The following MAML2 variants were observed in gnomAD, a reference collection of about 807,000 sequenced individuals.
MAML2 encodes mastermind like transcriptional coactivator 2.
Under a neutral mutation model 96.1 loss-of-function variants are expected in MAML2, and 22 were observed. The ratio of observed to expected loss-of-function variants is 0.23; its 90% CI spans 0.16 to 0.33. The LOEUF is 0.33. Ranked by LOEUF, MAML2 falls within the 10% of genes least tolerant of loss-of-function variation. The probability of loss-of-function intolerance (pLI) is 1.00; values close to 1 mark genes in which losing one functional copy is unlikely to be tolerated. For synonymous variants in MAML2, 561 were observed against 521.3 expected (o/e 1.08, Z -1.04); for missense variants, 1,367 against 1,392.4 (o/e 0.98, Z 0.29).
chr11:96,310,916 C>T (rs1308090404), intron 1 of MAML2, among the ~76,000 whole-genome samples: 1 of 152,166 alleles, frequency 6.6e-6, no homozygotes, highest in Non-Finnish European at 1.5e-5. Context: ...AATATGTTAA[C>T]CATATACCAG....
chr11:96,003,748 C>T (rs1416028924), intron 2 of MAML2, among the ~76,000 whole-genome samples: 1 of 152,042 alleles, frequency 6.6e-6, no homozygotes, highest in Non-Finnish European at 1.5e-5. Flanking sequence ...AATATCTATA[C>T]TTAAGTCAAT....
chr11:96,327,692 T>C (rs969888519), intron 1 of MAML2, among the ~76,000 whole-genome samples: 22 of 152,024 alleles, frequency 1.4e-4, no homozygotes, highest in African/African-American at 5.3e-4. Context: ...GTGTTTGGAT[T>C]ACAGGCATGA....
intron 1 of MAML2, among the ~76,000 whole-genome samples, chr11:96,112,643 G>A (rs1259535721): frequency 2.0e-5 from 3 of 152,188 alleles, no homozygotes; most frequent in Admixed American, 1.3e-4. Context: ...TACTTTCTAG[G>A]TAAGAGGAGG....
At chr11:96,084,360 T>C (rs1859573873) in intron 2 of MAML2, among the ~76,000 whole-genome samples, 1 of 152,152 alleles carries the variant, frequency 6.6e-6, no homozygotes, top group Non-Finnish European at 1.5e-5. Flanking sequence ...GGTTTCATGT[T>C]GGCAAGACTG....
At chr11:96,105,840 A>C (rs971204227) in intron 1 of MAML2, among the ~76,000 whole-genome samples, 10 of 151,504 alleles carry the variant, frequency 6.6e-5, no homozygotes, top group African/African-American at 2.2e-4. Flanking sequence ...TCTATGAAAT[A>C]TGAAGAAGTT....
At chr11:96,170,865 C>A (rs1244001225) in intron 1 of MAML2, among the ~76,000 whole-genome samples, 3 of 152,136 alleles carry the variant, frequency 2.0e-5, no homozygotes, top group Non-Finnish European at 2.9e-5. Flanking sequence ...CAGGTGACCG[C>A]CACCACACCT....
chr11:96,002,013 C>G (rs1858085577), intron 2 of MAML2, among the ~76,000 whole-genome samples: 1 of 152,144 alleles, frequency 6.6e-6, no homozygotes, highest in Non-Finnish European at 1.5e-5. Flanking sequence ...CTGGGCTCAA[C>G]TCAGATGTAA....
chr11:96,133,521 A>T (rs187540958), intron 1 of MAML2, among the ~76,000 whole-genome samples: 5 of 152,192 alleles, frequency 3.3e-5, no homozygotes, highest in Non-Finnish European at 7.3e-5. Flanking sequence ...CTGTGTGAAC[A>T]TTCAGCCTTC....
At chr11:96,008,262 C>A (rs1290266749) in intron 2 of MAML2, among the ~76,000 whole-genome samples, 1 of 151,882 alleles carries the variant, frequency 6.6e-6, no homozygotes, top group Non-Finnish European at 1.5e-5. Context: ...TTACTTGTAA[C>A]TGAAAACAGA....
chr11:96,037,199 C>A lies in MAML2; in HGVS notation c.2140-45476G>T, dbSNP rs866121170. On this transcript the variant is annotated intron_variant, in intron 2 of 4. Transcript: ENST00000524717. ...CAGAAAATAAAAAATAAAAAAACAACAACAACAAAAAAAATAACTCTGGCT... is the reference window on the plus strand; with the variant it reads ...CAGAAAATAAAAAATAAAAAAACAAAAACAACAAAAAAAATAACTCTGGCT... 1.6e-4 allele frequency among the ~76,000 whole-genome samples: 21 copies of A among 134,688 alleles called. No homozygotes were observed. The South Asian group carries it at 5.5e-3, about 35-fold the overall frequency. 88.4% of individuals were successfully genotyped at this position (134,688 alleles called of 152,430 possible). A position where few individuals can be genotyped will look rare whatever the true frequency, so the allele number is the denominator to read the frequency against.
intron 2 of MAML2, among the ~76,000 whole-genome samples, chr11:96,077,467 C>T (rs969792604): frequency 3.9e-5 from 6 of 152,026 alleles, no homozygotes; most frequent in East Asian, 1.9e-4. Flanking sequence ...GTCATCCACC[C>T]GCCTCAGCCT....
intron 2 of MAML2, among the ~76,000 whole-genome samples, chr11:96,031,981 G>C (rs566283497): frequency 1.3e-5 from 2 of 151,976 alleles, no homozygotes; most frequent in African/African-American, 2.4e-5. Flanking sequence ...GCGAGACTCT[G>C]TCTAAAAATT....
intron 2 of MAML2, among the ~76,000 whole-genome samples, chr11:96,063,743 A>G (rs10831475): frequency 0.16 from 24,177 of 152,196 alleles, 2,104 homozygotes; most frequent in East Asian, 0.23. Flanking sequence ...ATAACTACCC[A>G]ATAAATGCTC....
chr11:96,050,657 C>T (rs16922934), intron 2 of MAML2, among the ~76,000 whole-genome samples: 2,934 of 152,234 alleles, frequency 0.019, 113 homozygotes, highest in African/African-American at 0.067. Flanking sequence ...TGCATCTGGA[C>T]TGGGAGGAAC....
At chr11:96,094,996 A>G (rs774056460) in intron 1 of MAML2, among the ~76,000 whole-genome samples, 1 of 152,210 alleles carries the variant, frequency 6.6e-6, no homozygotes, top group Non-Finnish European at 1.5e-5. Context: ...CTTAATCTGC[A>G]CAACAATCCC....
At chr11:95,983,876 AATTT>A (rs1857783449) in intron 4 of MAML2, among the ~76,000 whole-genome samples, 2 of 152,160 alleles carry the variant, frequency 1.3e-5, no homozygotes, top group Middle Eastern at 3.2e-3. Flanking sequence ...TGTAAAAGTT[AATTT>A]ATTATTAAAG....
At position 96,341,673 on chromosome 11, in the gene MAML2, G is replaced by C; in HGVS notation, c.223C>G (p.Gln75Glu). The C allele has an allele frequency of 1.3e-6, 2 of 1,588,460 alleles. No homozygotes were observed. Among genetic ancestry groups the C allele is most frequent in the Non-Finnish European group, 1.7e-6 (2 of 1,167,104 alleles). Residue 75 changes from glutamine (Q) to glutamate (E), a missense_variant, in exon 1 of 5, where the codon CAG (glutamine) becomes GAG (glutamate). Coordinates refer to ENST00000524717, the MANE Select transcript of MAML2 (RefSeq NM_032427.4). Reference sequence around the variant, plus strand: ...CCATGCTGTACAAGGCTCAGGAGCTGCAAGGTGCTTTCTCTTTCCCGGTCT... The same window carrying C: ...CCATGCTGTACAAGGCTCAGGAGCTCCAAGGTGCTTTCTCTTTCCCGGTCT... Reference protein sequence around the residue: ...SSDRERESTLQLLSLVQHGQG... With the variant: ...SSDRERESTLELLSLVQHGQG...
intron 1 of MAML2, among the ~76,000 whole-genome samples, chr11:96,118,305 G>GTAA (rs57754605): frequency 0.18 from 26,998 of 151,984 alleles, 2,688 homozygotes; most frequent in Middle Eastern, 0.26. Flanking sequence ...TGTAATCATT[G>GTAA]TAATCCCCAT....
At chr11:96,119,391 G>A (rs1482852177) in intron 1 of MAML2, among the ~76,000 whole-genome samples, 1 of 152,148 alleles carries the variant, frequency 6.6e-6, no homozygotes, top group South Asian at 2.1e-4. Flanking sequence ...CATGAACCAA[G>A]GCACACAGGC....
Sources: gnomAD v4.1 joint callset for allele counts (sites outside exome capture counted in the v4.1 genomes callset) on GRCh38, gnomAD v4.1.1 for gene constraint, MANE v1.5 for transcripts, NCBI Gene and HGNC (gene_info 2026-07-23, HGNC 2026-07-21) for gene names.